The following TUSC3 variants were observed in gnomAD, a reference collection of about 807,000 sequenced individuals.
TUSC3 encodes tumor suppressor candidate 3.
Under a neutral mutation model 44.8 loss-of-function variants are expected in TUSC3, and 45 were observed. The observed-to-expected ratio is 1.00, with a 90% CI of 0.79 to 1.29. TUSC3 has a LOEUF of 1.29. Among genes scored for constraint, TUSC3 ranks in the 50% most tolerant of loss-of-function variants. TUSC3 has a pLI of 0.00. For synonymous variants in TUSC3, 212 were observed against 152.9 expected, an observed-to-expected ratio of 1.39 and a Z score of -2.85; for missense variants, 519 against 437.9, an observed-to-expected ratio of 1.19 and a Z score of -1.65.
At chr8:15,443,391 G>A (rs1001815024) in intron 1 of TUSC3, among the ~76,000 whole-genome samples, 1 of 149,170 alleles carries the variant, frequency 6.7e-6, no homozygotes, top group Non-Finnish European at 1.5e-5. Flanking sequence ...TAAAGATGGG[G>A]TTTCACCATG....
At chr8:15,583,352 T>C (rs1054484700) in intron 1 of TUSC3, among the ~76,000 whole-genome samples, 2 of 152,218 alleles carry the variant, frequency 1.3e-5, no homozygotes, top group Non-Finnish European at 2.9e-5. Context: ...AAACTCACTT[T>C]AGATTTGAAA....
At chr8:15,807,577 A>G in the TUSC3 span, among the ~76,000 whole-genome samples, 1 of 152,210 alleles carries the variant, frequency 6.6e-6, no homozygotes, top group Non-Finnish European at 1.5e-5. Context: ...TTTTATGTTC[A>G]TAACAGTGCT....
intron 1 of TUSC3, among the ~76,000 whole-genome samples, chr8:15,420,633 T>G (rs1312093396): frequency 2.0e-5 from 3 of 152,140 alleles, no homozygotes; most frequent in African/African-American, 7.2e-5. Context: ...TATTTTCCTC[T>G]TTACCTGAAT....
intron 6 of TUSC3, among the ~76,000 whole-genome samples, chr8:15,697,723 T>A (rs550964396): frequency 5.3e-5 from 8 of 152,348 alleles, no homozygotes; most frequent in African/African-American, 1.9e-4. Flanking sequence ...TGCCTGTGTT[T>A]TCCTATGTAT....
chr8:15,820,179 T>C, the TUSC3 span, among the ~76,000 whole-genome samples: 2 of 152,304 alleles, frequency 1.3e-5, no homozygotes, highest in African/African-American at 4.8e-5. Context: ...GACTGATAAA[T>C]GAACCTTGCA....
At position 15,540,541 on chromosome 8, in the gene TUSC3, G is replaced by C; in HGVS notation, c.111G>C (p.Gln37His). 1 of 1,600,058 alleles carries C rather than the reference G, an allele frequency of 6.2e-7. No individual in the cohort carries two copies. The highest frequency in any genetic ancestry group is 8.5e-7 in the Non-Finnish European group (1 of 1,174,038). The change falls in exon 1 of 11, where the codon CAG (glutamine) becomes CAC (histidine). Residue 37 changes from glutamine to histidine, a missense_variant. Physicochemically the swap from Gln to His is conservative, Grantham distance 24. Coordinates refer to ENST00000503731, the MANE Select transcript of TUSC3 (RefSeq NM_006765.4). ...FLLLLLLLCIQLGGGQKKKEN... is the reference protein window; with the variant it reads ...FLLLLLLLCIHLGGGQKKKEN... The stretch of plus-strand genomic sequence containing the variant: ...TCCTGCTGCTGCTGCTCTGCATCCA[G>C]CTCGGGGGAGGACAGAAGAAAAAGG...
the TUSC3 span, among the ~76,000 whole-genome samples, chr8:15,838,341 T>C: frequency 0.82 from 124,896 of 152,150 alleles, 51,503 homozygotes; most frequent in Non-Finnish European, 0.85. Flanking sequence ...CCAAATACTT[T>C]GTCATTCAGA....
chr8:15,734,483 A>G (rs1316892971), intron 7 of TUSC3, among the ~76,000 whole-genome samples: 1 of 152,236 alleles, frequency 6.6e-6, no homozygotes, highest in Non-Finnish European at 1.5e-5. Flanking sequence ...TATGGAATAT[A>G]AACCATCTAA....
chr8:15,478,129 G>T (rs1800607033), intron 1 of TUSC3, among the ~76,000 whole-genome samples: 1 of 151,804 alleles, frequency 6.6e-6, no homozygotes, highest in African/African-American at 2.4e-5. Context: ...GCTAACTTTT[G>T]TATTTTTAGT....
chr8:15,738,180 C>G (rs1010333006), intron 7 of TUSC3, among the ~76,000 whole-genome samples: 1 of 152,170 alleles, frequency 6.6e-6, no homozygotes, highest in East Asian at 1.9e-4. Context: ...TACTTACTTA[C>G]TGACCCCGCT....
At chr8:15,497,466 T>C (rs1800898983) in intron 2 of TUSC3, among the ~76,000 whole-genome samples, 3 of 152,190 alleles carry the variant, frequency 2.0e-5, no homozygotes, top group Admixed American at 1.3e-4. Flanking sequence ...CTAAGGGAGC[T>C]AGTGCCTTTT....
intron 1 of TUSC3, among the ~76,000 whole-genome samples, chr8:15,613,075 A>ATG (rs35506478): frequency 6.8e-6 from 1 of 147,958 alleles, no homozygotes; most frequent in African/African-American, 2.5e-5. Flanking sequence ...ATATATATAT[A>ATG]TATATCATAT....
intron 1 of TUSC3, among the ~76,000 whole-genome samples, chr8:15,468,000 C>T (rs1034366132): frequency 6.6e-6 from 1 of 152,040 alleles, no homozygotes; most frequent in African/African-American, 2.4e-5. Flanking sequence ...AAGGAATGTA[C>T]TATGAAATAG....
chr8:15,702,058 C>G (rs148205342), intron 6 of TUSC3, among the ~76,000 whole-genome samples: 1 of 152,064 alleles, frequency 6.6e-6, no homozygotes, highest in Non-Finnish European at 1.5e-5. Context: ...GGAAATGGGA[C>G]GAGAATGGAA....
At chr8:15,721,964 T>A (rs1810320729) in intron 6 of TUSC3, among the ~76,000 whole-genome samples, 1 of 152,036 alleles carries the variant, frequency 6.6e-6, no homozygotes. Context: ...ATATTTTTGT[T>A]GTCTCAACAT....
the TUSC3 span, among the ~76,000 whole-genome samples, chr8:15,808,179 T>C: frequency 1.3e-5 from 2 of 152,288 alleles, no homozygotes; most frequent in East Asian, 3.9e-4. Flanking sequence ...TGAGTAACAA[T>C]TACCTGCAAT....
chr8:15,657,156 A>C (rs1220437725), intron 3 of TUSC3, among the ~76,000 whole-genome samples: 2 of 152,120 alleles, frequency 1.3e-5, no homozygotes, highest in Non-Finnish European at 2.9e-5. Context: ...TCTCCTTATA[A>C]ATAGTCCTTA....
rs1387113134 is a variant in TUSC3 at position 15,455,019 on chromosome 8, G to T, written n.92-28367G>T. Among the ~76,000 whole-genome samples the T allele has an allele frequency of 2.0e-5, 3 of 152,282 alleles. No individual in the cohort carries two copies. In the East Asian group the frequency reaches 5.8e-4, roughly 29 times the overall value. On this transcript the variant is annotated intron_variant and non_coding_transcript_variant, in intron 1 of 5. Coordinates refer to the TUSC3 transcript ENST00000503191. ...AAAACCATGGGGAATCTTAGGGGTT[G>T]GAGGGTACAAGATGTTTTGAGATCT...
At position 15,452,872 on chromosome 8, in the gene TUSC3, T is replaced by G. The variant is rs190166791; in HGVS notation, n.92-30514T>G. 1.4e-3 allele frequency among the ~76,000 whole-genome samples: 213 copies of G among 152,308 alleles called. 1 individual carries two copies. The highest frequency in any genetic ancestry group is 2.3e-3 in the Non-Finnish European group (158 of 68,022). ...TTGTGCTGGTCTGCCCATTGCCTTC[T>G]TGCAATATAATTTCATACTTTTTTT... On this transcript the variant is annotated intron_variant and non_coding_transcript_variant, in intron 1 of 5. Coordinates refer to the TUSC3 transcript ENST00000503191.
Sources: allele counts gnomAD v4.1 joint callset (sites outside exome capture counted in the v4.1 genomes callset), GRCh38; gene constraint gnomAD v4.1.1; transcripts MANE v1.5; gene names NCBI Gene and HGNC (gene_info 2026-07-23, HGNC 2026-07-21).